Variants in HSPBAP1 observed in about 807,000 individuals in gnomAD.
HSPBAP1 encodes HSPB1-associated protein 1.
In HSPBAP1, 27 loss-of-function variants were observed where a neutral mutation model predicts 45.2. The observed-to-expected ratio is 0.60, with a 90% CI of 0.44 to 0.82. The LOEUF (loss-of-function observed/expected upper bound fraction) is 0.82. Among genes scored for constraint, HSPBAP1 ranks in the 40% least tolerant of loss-of-function variants. HSPBAP1 has a pLI of 0.00. For missense variants in HSPBAP1, 510 were observed against 590.9 expected (o/e 0.86, Z 1.42); for synonymous variants, 204 against 202.7 (o/e 1.01, Z -0.06).
chr3:122,743,345 G>A (rs1933733553), intron 6 of HSPBAP1, among the ~76,000 whole-genome samples: 1 of 152,276 alleles, frequency 6.6e-6, no homozygotes, highest in African/African-American at 2.4e-5. Flanking sequence ...CAAGGCGGGT[G>A]GATCACCTGA....
Position 122,740,192 on chromosome 3 carries a change from G to T in HSPBAP1, c.*153C>A. The T allele has an allele frequency of 2.2e-6, 1 of 461,428 alleles. No individual in the cohort carries two copies. Among genetic ancestry groups the T allele is most frequent in the Non-Finnish European group, 3.6e-6 (1 of 275,692 alleles). The allele number at this position is 461,428 out of a possible 1,614,324, so 28.6% of individuals were successfully genotyped here. A position where few individuals can be genotyped will look rare whatever the true frequency, so the allele number is the denominator to read the frequency against. On this transcript the variant is annotated 3_prime_UTR_variant, in exon 8 of 8. Transcript: ENST00000306103. ...TGGCCAAAGAGGAATGTGCATGAAA[G>T]AAGGTGGCAACAGACTGACATGTAA...
At chr3:122,756,715 A>G (rs972280094) in intron 4 of HSPBAP1, among the ~76,000 whole-genome samples, 1 of 151,970 alleles carries the variant, frequency 6.6e-6, no homozygotes, top group African/African-American at 2.4e-5. Flanking sequence ...AAAAAAAAAA[A>G]AATTCATTTC....
chr3:122,744,040 G>C (rs1933763766), intron 6 of HSPBAP1, among the ~76,000 whole-genome samples: 1 of 151,122 alleles, frequency 6.6e-6, no homozygotes, highest in Non-Finnish European at 1.5e-5. Flanking sequence ...AAAAATTCTA[G>C]TTTTCGGGTT....
intron 5 of HSPBAP1, chr3:122,753,027 A>C: frequency 3.0e-6 from 3 of 994,700 alleles, no homozygotes; most frequent in Non-Finnish European, 3.6e-6. Context: ...GCATAGGTAA[A>C]ACACATAGGA....
intron 1 of HSPBAP1, among the ~76,000 whole-genome samples, chr3:122,780,077 G>A (rs945131541): frequency 6.6e-6 from 1 of 151,844 alleles, no homozygotes; most frequent in African/African-American, 2.4e-5. Context: ...CTTCCCAGTA[G>A]GGGCGGCCGG....
chr3:122,766,415 A>C lies in HSPBAP1; in HGVS notation c.432+2286T>G, dbSNP rs192437235. Among the ~76,000 whole-genome samples the C allele has an allele frequency of 7.2e-5, 11 of 152,360 alleles. No individual in the cohort carries two copies. The East Asian group carries it at 2.1e-3, about 29-fold the overall frequency. On this transcript the variant is annotated intron_variant, in intron 3 of 7. Coordinates refer to ENST00000306103, the MANE Select transcript of HSPBAP1 (RefSeq NM_024610.6). ...TTGAGACAAAAGATGATATAATCTT[A>C]ATGGACTTGGTTATTCATAGCAGAA...
chr3:122,747,810 G>A (rs867125180), intron 6 of HSPBAP1, among the ~76,000 whole-genome samples: 22 of 150,676 alleles, frequency 1.5e-4, no homozygotes, highest in Admixed American at 8.0e-4. Context: ...GGTGAGGGGC[G>A]CCTCTGCCCA....
chr3:122,768,291 C>T (rs1934858590), intron 3 of HSPBAP1, among the ~76,000 whole-genome samples: 1 of 152,226 alleles, frequency 6.6e-6, no homozygotes, highest in African/African-American at 2.4e-5. Flanking sequence ...GTAGAAATTG[C>T]AGCAGCAGCC....
intron 1 of HSPBAP1, among the ~76,000 whole-genome samples, chr3:122,785,636 C>A (rs1935628577): frequency 6.6e-6 from 1 of 152,154 alleles, no homozygotes; most frequent in South Asian, 2.1e-4. Flanking sequence ...GCTGTGGGAC[C>A]CCGTTACAGT....
chr3:122,751,332 C>A (rs1934125979), intron 6 of HSPBAP1, among the ~76,000 whole-genome samples: 1 of 152,150 alleles, frequency 6.6e-6, no homozygotes, highest in African/African-American at 2.4e-5. Context: ...CAATTATAAT[C>A]CTCATTTTAC....
intron 2 of HSPBAP1, among the ~76,000 whole-genome samples, chr3:122,771,865 C>T: frequency 6.6e-6 from 1 of 152,138 alleles, no homozygotes; most frequent in East Asian, 1.9e-4. Context: ...AGACCTAAAA[C>T]AGAAATAAGA....
rs755246899 is a variant in HSPBAP1, at chr3:122,760,804, T to A, written c.433-1444A>T. ...GGGTTACAGCTTGGAACACACTGGCTGCTTGGGAGGGAAAGAAGAATCTGT... is the reference window on the plus strand; with the variant it reads ...GGGTTACAGCTTGGAACACACTGGCAGCTTGGGAGGGAAAGAAGAATCTGT... On this transcript the variant is annotated intron_variant, in intron 3 of 7. Coordinates refer to ENST00000306103, the MANE Select transcript of HSPBAP1 (RefSeq NM_024610.6). 3.3e-5 allele frequency among the ~76,000 whole-genome samples: 5 copies of A among 152,162 alleles called. No individual in the cohort carries two copies. In the South Asian group the frequency reaches 1.0e-3, roughly 32 times the overall value.
intron 1 of HSPBAP1, among the ~76,000 whole-genome samples, chr3:122,786,133 A>G (rs1209687129): frequency 1.3e-5 from 2 of 152,128 alleles, no homozygotes; most frequent in Middle Eastern, 6.8e-3. Context: ...AAAAAAAAAC[A>G]AAATTCCTTC....
chr3:122,793,692 G>T lies in HSPBAP1; in HGVS notation c.-12C>A, dbSNP rs1935911687. 6.2e-7 allele frequency: 1 copy of T among 1,613,606 alleles called. No homozygotes were observed. The highest frequency in any genetic ancestry group is 8.5e-7 in the Non-Finnish European group (1 of 1,179,874). On this transcript the variant is annotated 5_prime_UTR_variant, in exon 1 of 8. Transcript: ENST00000306103. ...GAGCCTGCTGCCATGGCTACCGCAAGGCGGGTTCTGCCGGAACCCAAGGCG... is the reference window on the plus strand; with the variant it reads ...GAGCCTGCTGCCATGGCTACCGCAATGCGGGTTCTGCCGGAACCCAAGGCG...
chr3:122,753,656 A>T, intron 5 of HSPBAP1: 1 of 985,312 alleles, frequency 1.0e-6, no homozygotes, highest in African/African-American at 1.7e-5. Flanking sequence ...TGGGCTTCAC[A>T]TTAGGAAACT....
chr3:122,769,458 A>G (rs547801750), intron 2 of HSPBAP1, among the ~76,000 whole-genome samples: 1 of 152,336 alleles, frequency 6.6e-6, no homozygotes, highest in African/African-American at 2.4e-5. Context: ...TATGACTCCA[A>G]TGAGTCAAGA....
At chr3:122,748,455 A>T (rs1160911351) in intron 6 of HSPBAP1, among the ~76,000 whole-genome samples, 1 of 152,242 alleles carries the variant, frequency 6.6e-6, no homozygotes, top group Non-Finnish European at 1.5e-5. Context: ...AATGGATAAG[A>T]GATCGAAATG....
chr3:122,742,983 G>A (rs995164615), intron 6 of HSPBAP1, among the ~76,000 whole-genome samples: 21 of 152,054 alleles, frequency 1.4e-4, no homozygotes, highest in African/African-American at 4.8e-4. Context: ...ATACTCATAC[G>A]AATGGGATTA....
chr3:122,781,829 C>CAT lies in HSPBAP1; in HGVS notation c.65-3925_65-3924dup, dbSNP rs745777810. 2.9e-4 allele frequency among the ~76,000 whole-genome samples: 44 copies of CAT among 152,032 alleles called. 1 individual carries two copies. Among genetic ancestry groups the CAT allele is most frequent in the Middle Eastern group, 3.4e-3 (1 of 294 alleles). On this transcript the variant is annotated intron_variant, in intron 1 of 7. Coordinates refer to ENST00000306103, the MANE Select transcript of HSPBAP1 (RefSeq NM_024610.6). ...TTTATGGCTGTGTAGCATTCCATGG[C>CAT]ATATATATATACACACCATATTTTC...
Sources: gnomAD v4.1 joint callset for allele counts (sites outside exome capture counted in the v4.1 genomes callset) on GRCh38, gnomAD v4.1.1 for gene constraint, MANE v1.5 for transcripts, NCBI Gene and HGNC (gene_info 2026-07-23, HGNC 2026-07-21) for gene names.